The following ERAL1 variants were observed in gnomAD, a reference collection of about 807,000 sequenced individuals.
ERAL1 encodes the protein Era like 12S mitochondrial rRNA chaperone 1.
In ERAL1, 36 loss-of-function variants were observed where a neutral mutation model predicts 53.6. The ratio of observed to expected loss-of-function variants is 0.67; its 90% confidence interval spans 0.51 to 0.89. The LOEUF (loss-of-function observed/expected upper bound fraction) is 0.89, where lower values mean the gene tolerates loss of function less well. Among genes scored for constraint, ERAL1 ranks in the 40% least tolerant of loss-of-function variants. ERAL1 has a pLI of 0.00. For synonymous variants in ERAL1, 215 were observed against 211.8 expected, an observed-to-expected ratio of 1.02 and a Z score of -0.13; for missense variants, 512 against 537.5, an observed-to-expected ratio of 0.95 and a Z score of 0.47.
intron 6 of ERAL1, 45 bp downstream of exon 6, chr17:28,858,531 C>G (rs2039268677): frequency 1.9e-6 from 3 of 1,614,066 alleles, no homozygotes; most frequent in Non-Finnish European, 2.5e-6. Context: ...CCCTCCAAGT[C>G]CCCTATCTCT....
At chr17:28,856,644 T>C in intron 3 of ERAL1, 62 bp downstream of exon 3, 1 of 1,433,310 alleles carries the variant, frequency 7.0e-7, no homozygotes, top group Non-Finnish European at 9.8e-7. Flanking sequence ...AGGGTCTCCC[T>C]TACCATCAGC....
chr17:28,860,224 G>A (rs1039222877), intron 9 of ERAL1, among the ~76,000 whole-genome samples: 2 of 151,982 alleles, frequency 1.3e-5, no homozygotes, highest in African/African-American at 2.4e-5. Flanking sequence ...TGATCTGCCC[G>A]CCTCAGCCTC....
Position 28,859,014 on chromosome 17 carries a change from A to C in ERAL1, c.1011A>C (p.Ala337=), listed in dbSNP as rs147320768. The C allele has an allele frequency of 9.6e-5, 155 of 1,614,164 alleles. 1 individual carries two copies. In the East Asian group the frequency reaches 3.3e-3, roughly 34 times the overall value. ...CAGGGCCCTGGGAGTACCACAGTGCAGTCCTCACTAGCCAGACACCAGAAG... is the reference window on the plus strand; with the variant it reads ...CAGGGCCCTGGGAGTACCACAGTGCCGTCCTCACTAGCCAGACACCAGAAG... ...AQPGPWEYHS[A]VLTSQTPEEI... Residue 337 remains alanine, a synonymous_variant, in exon 8 of 10, where the codon GCA becomes GCC. Transcript: ENST00000254928.
At chr17:28,858,939 C>CCAT (rs1192576214) in intron 7 of ERAL1, 25 bp from the exon 8 acceptor site, 6 of 1,613,374 alleles carry the variant, frequency 3.7e-6, no homozygotes, top group Non-Finnish European at 5.1e-6. Context: ...ATTAAGATGC[C>CCAT]CATCTATTCC....
Position 28,858,456 on chromosome 17 carries a change from C to G in ERAL1, c.681C>G (p.Ser227=). ...TGCTCAGGTGCTTGACCAAGTACTC[C>G]CAGATCCCTAGTGTCCTGGTCATGA... The part of the protein sequence containing the change: ...PQLLRCLTKY[S]QIPSVLVMNK... Residue 227 remains serine, a synonymous_variant, in exon 6 of 10, where the codon TCC becomes TCG. Coordinates refer to ENST00000254928, the MANE Select transcript of ERAL1 (RefSeq NM_005702.4). 6.2e-7 allele frequency: 1 copy of G among 1,614,112 alleles called. No homozygotes were observed. Among genetic ancestry groups the G allele is most frequent in the African/African-American group, 1.3e-5 (1 of 75,016 alleles).
Position 28,858,205 on chromosome 17 carries a change from T to G in ERAL1, c.596T>G (p.Leu199Arg). ...TGGAAGAGCATGGAATCTGCTGATCTTGGTTAGGTTCAGGATGGGAACCTT... is the reference window on the plus strand; with the variant it reads ...TGGAAGAGCATGGAATCTGCTGATCGTGGTTAGGTTCAGGATGGGAACCTT... Reference protein sequence around the residue: ...DPWKSMESADLVVVLVDVSDK... With the variant: ...DPWKSMESADRVVVLVDVSDK... Residue 199 changes from leucine to arginine, a missense_variant and splice_region_variant, in exon 5 of 10, where the codon CTT becomes CGT. Physicochemically the swap from Leu to Arg is moderately radical, Grantham distance 102. Coordinates refer to ENST00000254928, the MANE Select transcript of ERAL1 (RefSeq NM_005702.4). 6.2e-7 allele frequency: 1 copy of G among 1,614,012 alleles called. No homozygotes were observed. The highest frequency in any genetic ancestry group is 8.5e-7 in the Non-Finnish European group (1 of 1,180,030).
Position 28,858,695 on chromosome 17 carries a change from T to C in ERAL1, c.831T>C (p.His277=). ...CCTTCCACTCACACCCTGGCACCCA[T>C]TGCCCCAGCCCAGCAGTTAAGGACC... The part of the protein sequence containing the change: ...RQAFHSHPGT[H]CPSPAVKDPN... Residue 277 remains histidine, a synonymous_variant, in exon 7 of 10, where the codon CAT becomes CAC. Transcript: ENST00000254928. 1 of 1,614,188 alleles carries C rather than the reference T, an allele frequency of 6.2e-7. No homozygotes were observed. The highest frequency in any genetic ancestry group is 8.5e-7 in the Non-Finnish European group (1 of 1,180,030).
rs370083737 is a variant in ERAL1 at position 28,856,409 on chromosome 17, C to T, written c.411+18C>T. The T allele has an allele frequency of 9.3e-6, 15 of 1,613,684 alleles. No individual in the cohort carries two copies. The highest frequency in any genetic ancestry group is 8.9e-5 in the East Asian group (4 of 44,898). ...GCCGAAAGGTATGCTACACCCTTGA[C>T]CATCCTACCCTTTACATCTTTTACT... On this transcript the variant is annotated intron_variant, in intron 2 of 9. Transcript: ENST00000254928.
In ERAL1 at chr17:28,858,660, A is replaced by T. The variant is rs374024882; in HGVS notation, c.796A>T (p.Met266Leu). 6.2e-7 allele frequency: 1 copy of T among 1,614,038 alleles called. No individual in the cohort carries two copies. Among genetic ancestry groups the T allele is most frequent in the Non-Finnish European group, 8.5e-7 (1 of 1,180,040 alleles). The change falls in exon 7 of 10, where the codon ATG becomes TTG. Residue 266 changes from methionine (M) to leucine (L), a missense_variant. Met to Leu is a conservative substitution (Grantham distance 15). Coordinates refer to ENST00000254928, the MANE Select transcript of ERAL1 (RefSeq NM_005702.4). Reference protein sequence around the residue: ...EGVVNGKKLKMRQAFHSHPGT... With the variant: ...EGVVNGKKLKLRQAFHSHPGT... The stretch of plus-strand genomic sequence containing the variant: ...TGTGGTCAATGGCAAAAAGCTCAAG[A>T]TGAGGCAGGCCTTCCACTCACACCC...
intron 9 of ERAL1, among the ~76,000 whole-genome samples, chr17:28,859,802 A>AGT (rs1266939678): frequency 6.6e-6 from 1 of 151,772 alleles, no homozygotes; most frequent in African/African-American, 2.4e-5. Context: ...AGCCTCCCAA[A>AGT]GTGCCGCCTG....
Position 28,858,996 on chromosome 17 carries a change from C to G in ERAL1, c.993C>G (p.Pro331=). The change falls in exon 8 of 10, where the codon CCC becomes CCG. Residue 331 remains proline, a synonymous_variant. Transcript: ENST00000254928. The stretch of plus-strand genomic sequence containing the variant: ...TTCTGACACAGGCCCAGCCAGGGCC[C>G]TGGGAGTACCACAGTGCAGTCCTCA... ...QYLLTQAQPG[P]WEYHSAVLTS... is the part of the protein sequence containing the mutation. 6.2e-7 allele frequency: 1 copy of G among 1,614,204 alleles called. No individual in the cohort carries two copies. The highest frequency in any genetic ancestry group is 8.5e-7 in the Non-Finnish European group (1 of 1,180,034).
intron 1 of ERAL1, 102 bp from the exon 2 acceptor site, chr17:28,856,162 C>T: frequency 6.8e-7 from 1 of 1,460,048 alleles, no homozygotes; most frequent in South Asian, 1.3e-5. Flanking sequence ...ACCTGGTGCA[C>T]TAATTTTGTA....
Position 28,858,726 on chromosome 17 carries a change from A to G in ERAL1, c.862A>G (p.Thr288Ala). The G allele has an allele frequency of 6.2e-7, 1 of 1,614,196 alleles. No individual in the cohort carries two copies. Among genetic ancestry groups the G allele is most frequent in the Non-Finnish European group, 8.5e-7 (1 of 1,180,028 alleles). The stretch of plus-strand genomic sequence containing the variant: ...CAGCCCAGCAGTTAAGGACCCAAAC[A>G]CACAATCTGTGGGAAATCCTCAGAG... The part of the protein sequence containing the change: ...CPSPAVKDPN[T>A]QSVGNPQRIG... Residue 288 changes from threonine (T) to alanine (A), a missense_variant, in exon 7 of 10, where the codon ACA becomes GCA. Coordinates refer to ENST00000254928, the MANE Select transcript of ERAL1 (RefSeq NM_005702.4).
chr17:28,860,293 A>T, intron 9 of ERAL1, 138 bp from the exon 10 acceptor site: 16 of 925,598 alleles, frequency 1.7e-5, no homozygotes, highest in Admixed American at 3.3e-5. Context: ...TCTTTTTTTT[A>T]AAGAGGGGTC....
rs2039222780 is a variant in ERAL1 at position 28,855,147 on chromosome 17, G to A, written c.113G>A (p.Gly38Asp). 3 of 1,614,250 alleles carry A rather than the reference G, an allele frequency of 1.9e-6. No individual in the cohort carries two copies. Among genetic ancestry groups the A allele is most frequent in the Non-Finnish European group, 2.5e-6 (3 of 1,180,044 alleles). Residue 38 changes from glycine to aspartate, a missense_variant, in exon 1 of 10, where the codon GGC (glycine) becomes GAC (aspartate). Gly to Asp is a moderately conservative substitution (Grantham distance 94). Transcript: ENST00000254928. ...ERVIPFSSLL[G>D]FQRRCVSCVA... Reference sequence around the variant, plus strand: ...GTGATCCCTTTTTCCTCACTCTTAGGCTTCCAACGGAGGTGCGTGTCCTGC... The same window carrying A: ...GTGATCCCTTTTTCCTCACTCTTAGACTTCCAACGGAGGTGCGTGTCCTGC...
Position 28,856,386 on chromosome 17 carries a change from C to T in ERAL1, c.406C>T (p.Arg136Ter), listed in dbSNP as rs140985834. ...AACACTCTCCAACCAGCTACTGGGCCGAAAGGTATGCTACACCCTTGACCA... is the reference window on the plus strand; with the variant it reads ...AACACTCTCCAACCAGCTACTGGGCTGAAAGGTATGCTACACCCTTGACCA... ...KSTLSNQLLG[R>*]KVFPVSRKVH... Residue 136 changes from arginine to a stop codon, truncating the protein, a stop_gained, in exon 2 of 10, where the codon CGA (arginine) becomes TGA (stop). Coordinates refer to ENST00000254928, the MANE Select transcript of ERAL1 (RefSeq NM_005702.4). LOFTEE classifies it high-confidence loss of function. 1.5e-5 allele frequency: 25 copies of T among 1,613,988 alleles called. No individual in the cohort carries two copies. The Admixed American group carries it at 2.3e-4, about 15-fold the overall frequency.
rs1299889922 is a variant in ERAL1 at position 28,859,054 on chromosome 17, A to G, written c.1051A>G (p.Ile351Val). The G allele has an allele frequency of 6.2e-7, 1 of 1,614,054 alleles. No individual in the cohort carries two copies. The highest frequency in any genetic ancestry group is 2.2e-5 in the East Asian group (1 of 44,890). The change falls in exon 8 of 10, where the codon ATT becomes GTT. Residue 351 changes from isoleucine (I) to valine (V), a missense_variant. Physicochemically the swap from Ile to Val is conservative, Grantham distance 29 (BLOSUM62 3). Coordinates refer to ENST00000254928, the MANE Select transcript of ERAL1 (RefSeq NM_005702.4). ...SQTPEEICAN[I>V]IREKLLEHLP... Reference sequence around the variant, plus strand: ...GACACCAGAAGAGATCTGTGCCAACATTATCCGAGAGAAGCTCCTAGAACA... The same window carrying G: ...GACACCAGAAGAGATCTGTGCCAACGTTATCCGAGAGAAGCTCCTAGAACA...
In ERAL1 at chr17:28,858,988, C is replaced by T; in HGVS notation, c.985C>T (p.Pro329Ser). The T allele has an allele frequency of 6.2e-7, 1 of 1,614,142 alleles. No homozygotes were observed. Among genetic ancestry groups the T allele is most frequent in the South Asian group, 1.1e-5 (1 of 91,074 alleles). ...GCAATACCTTCTGACACAGGCCCAGCCAGGGCCCTGGGAGTACCACAGTGC... is the reference window on the plus strand; with the variant it reads ...GCAATACCTTCTGACACAGGCCCAGTCAGGGCCCTGGGAGTACCACAGTGC... ...LKQYLLTQAQ[P>S]GPWEYHSAVL... Residue 329 changes from proline (P) to serine (S), a missense_variant, in exon 8 of 10, where the codon CCA becomes TCA. Physicochemically the swap from Pro to Ser is moderately conservative, Grantham distance 74 (BLOSUM62 -1). Transcript: ENST00000254928.
rs1028595460 is a variant in ERAL1 at position 28,855,039 on chromosome 17, C to T, written c.5C>T (p.Ala2Val). The T allele has an allele frequency of 1.9e-6, 3 of 1,588,312 alleles. No homozygotes were observed. The highest frequency in any genetic ancestry group is 2.6e-6 in the Non-Finnish European group (3 of 1,164,298). MAAPSWRGARLV... is the reference protein window; with the variant it reads MVAPSWRGARLV... ...CCGCAGTGCCTTGCGGCTGTAATGG[C>T]TGCCCCCAGCTGGCGCGGGGCTAGG... is the stretch of plus-strand genomic sequence containing the variant. The change falls in exon 1 of 10, where the codon GCT (alanine) becomes GTT (valine). Residue 2 changes from alanine to valine, a missense_variant. Ala to Val is a moderately conservative substitution (Grantham distance 64). Coordinates refer to ENST00000254928, the MANE Select transcript of ERAL1 (RefSeq NM_005702.4).
Sources: allele counts gnomAD v4.1 joint callset (sites outside exome capture counted in the v4.1 genomes callset), GRCh38; gene constraint gnomAD v4.1.1; transcripts MANE v1.5; gene names NCBI Gene and HGNC (gene_info 2026-07-23, HGNC 2026-07-21).